TENM3: variants seen among roughly 807,000 people sequenced by gnomAD.
The protein encoded by TENM3 is teneurin transmembrane protein 3.
In TENM3, 63 loss-of-function variants were observed where a neutral mutation model predicts 255.1. The observed-to-expected ratio is 0.25, with a 90% CI of 0.20 to 0.30. The LOEUF (loss-of-function observed/expected upper bound fraction) is 0.30. Among genes scored for constraint, TENM3 ranks in the 10% least tolerant of loss-of-function variants. The probability of loss-of-function intolerance (pLI) is 1.00; values close to 1 mark genes in which losing one functional copy is unlikely to be tolerated. For missense variants in TENM3, 2,929 were observed against 3,461.1 expected (o/e 0.85, Z 3.86); for synonymous variants, 1,306 against 1,322.3 (o/e 0.99, Z 0.27).
intron 3 of TENM3, among the ~76,000 whole-genome samples, chr4:182,362,687 ATGCC>A (rs199982652): frequency 1.9e-3 from 296 of 152,234 alleles, no homozygotes; most frequent in African/African-American, 7.0e-3. Context: ...GAGTGAGGCA[ATGCC>A]TCGCCCTGCT....
At chr4:181,455,347 A>G in the TENM3 span, among the ~76,000 whole-genome samples, 1 of 152,242 alleles carries the variant, frequency 6.6e-6, no homozygotes. Flanking sequence ...CTTCAAAAGA[A>G]TATTTCTAGG....
chr4:181,648,048 G>A, the TENM3 span, among the ~76,000 whole-genome samples: 2 of 152,108 alleles, frequency 1.3e-5, no homozygotes, highest in Non-Finnish European at 2.9e-5. Flanking sequence ...CTGGGGATGG[G>A]GAGAAATTTC....
chr4:182,739,208 C>G (rs7691334), intron 18 of TENM3, among the ~76,000 whole-genome samples: 98,079 of 151,934 alleles, frequency 0.65, 32,015 homozygotes, highest in East Asian at 0.8. Context: ...CTGATAATGT[C>G]CTAGTGAATA....
intron 1 of TENM3, among the ~76,000 whole-genome samples, chr4:182,222,968 T>A (rs1049610788): frequency 6.6e-5 from 10 of 152,302 alleles, no homozygotes; most frequent in African/African-American, 2.4e-4. Flanking sequence ...ATGGTTTATC[T>A]TCTGGACCTC....
chr4:182,792,527 G>A lies in TENM3; in HGVS notation c.5855G>A (p.Arg1952Lys). ...TSRRVLFKYR[R>K]QTRLSEILYD... is the part of the protein sequence containing the mutation. ...CGGAGGGTCTTATTCAAATACAGAA[G>A]GCAGACTAGGCTCTCAGAAATTTTA... The change falls in exon 26 of 28, where the codon AGG becomes AAG. Residue 1952 changes from arginine to lysine, a missense_variant. By Grantham distance (26) the Arg-to-Lys change is conservative. This residue lies in a region of TENM3 where 303 missense variants were observed against 425.2 expected (regional missense o/e 0.71). Coordinates refer to ENST00000511685, the MANE Select transcript of TENM3 (RefSeq NM_001080477.4). This position sits in a 1 kb window ranked among gnomAD's most constrained non-coding sequence, Gnocchi z 6.3. 1 of 1,614,020 alleles carries A rather than the reference G, an allele frequency of 6.2e-7. No homozygotes were observed. The highest frequency in any genetic ancestry group is 2.2e-5 in the East Asian group (1 of 44,886).
intron 5 of TENM3, among the ~76,000 whole-genome samples, chr4:182,641,288 G>C (rs1313397041): frequency 6.6e-6 from 1 of 152,136 alleles, no homozygotes; most frequent in Non-Finnish European, 1.5e-5. Context: ...CATAGGAGCT[G>C]TTTTTCGGAT....
the TENM3 span, among the ~76,000 whole-genome samples, chr4:181,926,783 G>T: frequency 6.6e-5 from 10 of 152,038 alleles, no homozygotes; most frequent in Non-Finnish European, 1.3e-4. Flanking sequence ...ACAGAAGGCA[G>T]TGATTTCTGC....
the TENM3 span, among the ~76,000 whole-genome samples, chr4:181,605,548 A>AG: frequency 3.8e-4 from 12 of 31,954 alleles, no homozygotes; most frequent in African/African-American, 5.2e-4. Context: ...GAAAGAAAGA[A>AG]AGAAAGAAAG....
intron 5 of TENM3, among the ~76,000 whole-genome samples, chr4:182,651,601 G>A (rs529150720): frequency 1.3e-5 from 2 of 152,188 alleles, no homozygotes; most frequent in East Asian, 3.9e-4. Context: ...GGAGGCTGAA[G>A]CACGAAAATT....
chr4:182,739,100 G>C (rs1372423096), intron 18 of TENM3, among the ~76,000 whole-genome samples: 2 of 151,628 alleles, frequency 1.3e-5, no homozygotes, highest in African/African-American at 4.8e-5. Flanking sequence ...CCACTCAAAT[G>C]GGGTCACATA....
At chr4:181,766,754 C>CAAAAA in the TENM3 span, among the ~76,000 whole-genome samples, 987 of 114,830 alleles carry the variant, frequency 8.6e-3, 10 homozygotes, top group Middle Eastern at 0.034. Flanking sequence ...TGTAGGCGTT[C>CAAAAA]AAAAAAAAAA....
the TENM3 span, among the ~76,000 whole-genome samples, chr4:181,787,637 GCC>G: frequency 6.6e-6 from 1 of 152,056 alleles, no homozygotes; most frequent in Non-Finnish European, 1.5e-5. Flanking sequence ...ACTGCACCTG[GCC>G]CATCCATCCT....
chr4:182,773,401 A>C, intron 22 of TENM3, 71 bp from the exon 23 acceptor site: 1 of 1,373,146 alleles, frequency 7.3e-7, no homozygotes, highest in South Asian at 1.5e-5. Context: ...ATATTGCTAC[A>C]CATTATATTT....
intron 3 of TENM3, among the ~76,000 whole-genome samples, chr4:182,388,067 C>A (rs559517227): frequency 6.6e-6 from 1 of 152,056 alleles, no homozygotes; most frequent in Non-Finnish European, 1.5e-5. Context: ...CGCACTTTCG[C>A]AAATTATGAG....
chr4:181,516,955 A>C, the TENM3 span, among the ~76,000 whole-genome samples: 8 of 152,096 alleles, frequency 5.3e-5, no homozygotes, highest in East Asian at 1.5e-3. Context: ...TAGGGATTCC[A>C]ATCTCTGCAG....
the TENM3 span, among the ~76,000 whole-genome samples, chr4:181,617,047 T>C: frequency 6.6e-6 from 1 of 152,222 alleles, no homozygotes; most frequent in African/African-American, 2.4e-5. Flanking sequence ...GTGTCTTCTA[T>C]ATTCCCATCA....
At chr4:181,479,720 AC>A in the TENM3 span, among the ~76,000 whole-genome samples, 2 of 152,160 alleles carry the variant, frequency 1.3e-5, no homozygotes, top group Non-Finnish European at 2.9e-5. Context: ...CATCTTTTGA[AC>A]TGTTCTCCAT....
chr4:181,769,305 C>T, the TENM3 span, among the ~76,000 whole-genome samples: 23 of 152,294 alleles, frequency 1.5e-4, no homozygotes, highest in Middle Eastern at 3.4e-3. Context: ...GCTTCAGCTT[C>T]CGCATGCAAA....
chr4:181,903,780 T>C, the TENM3 span, among the ~76,000 whole-genome samples: 135 of 152,290 alleles, frequency 8.9e-4, 1 homozygote, highest in African/African-American at 3.2e-3. Flanking sequence ...CTCCTGGTTC[T>C]ACCCCTACTG....
Sources: gnomAD v4.1 joint callset for allele counts (sites outside exome capture counted in the v4.1 genomes callset) on GRCh38, gnomAD v4.1.1 for gene constraint, gnomAD v4.1.1 regional missense constraint, Gnocchi (gnomAD v3.1) non-coding constraint, MANE v1.5 for transcripts, NCBI Gene and HGNC (gene_info 2026-07-23, HGNC 2026-07-21) for gene names.